FSIP2: variants seen among roughly 807,000 people sequenced by gnomAD.
The protein encoded by FSIP2 is fibrous sheath interacting protein 2, also known as fibrous sheath-interacting protein 2.
Under a neutral mutation model 510.5 loss-of-function variants are expected in FSIP2, and 367 were observed. That is an observed-to-expected ratio of 0.72 (90% confidence interval 0.66 to 0.78). The LOEUF (loss-of-function observed/expected upper bound fraction) is 0.78. Ranked by LOEUF, FSIP2 falls within the 30% of genes least tolerant of loss-of-function variation. The pLI is 0.00. For synonymous variants in FSIP2, 2,601 were observed against 2,732.2 expected (o/e 0.95, Z 1.50); for missense variants, 7,594 against 7,901.7 (o/e 0.96, Z 1.48).
In FSIP2 at chr2:185,794,729, TC is replaced by T; in HGVS notation, c.7594del (p.Gln2532AsnfsTer7). 6.5e-7 allele frequency: 1 copy of T among 1,534,178 alleles called. No homozygotes were observed. Among genetic ancestry groups the T allele is most frequent in the Non-Finnish European group, 8.7e-7 (1 of 1,145,586 alleles). ...TSDTTQKNSF[Q>X]SHINSVANDI... ...CAGACACAACACAGAAAAACAGTTT[TC>T]AATCACATATTAACAGTGTAGCAAA... is the stretch of plus-strand genomic sequence containing the variant. On this transcript the variant is annotated frameshift_variant, in exon 16 of 23. Transcript: ENST00000424728. LOFTEE classifies it high-confidence loss of function.
In FSIP2 at chr2:185,800,516, G is replaced by T; in HGVS notation, c.11210G>T (p.Ser3737Ile). 2 of 1,532,492 alleles carry T rather than the reference G, an allele frequency of 1.3e-6. No homozygotes were observed. Among genetic ancestry groups the T allele is most frequent in the Non-Finnish European group, 1.7e-6 (2 of 1,145,224 alleles). 94.9% of individuals were successfully genotyped at this position (1,532,492 alleles called of 1,614,324 possible). Reference protein sequence around the residue: ...FYSSNNEQPNSILTNNLQLSS... With the variant: ...FYSSNNEQPNIILTNNLQLSS... ...TCCTCGAATAATGAGCAACCTAATA[G>T]CATACTTACCAATAACCTACAGCTC... is the stretch of plus-strand genomic sequence containing the variant. Residue 3737 changes from serine to isoleucine, a missense_variant, in exon 17 of 23, where the codon AGC becomes ATC. Transcript: ENST00000424728.
intron 18 of FSIP2, among the ~76,000 whole-genome samples, chr2:185,814,456 T>C (rs1693795718): frequency 6.6e-6 from 1 of 152,074 alleles, no homozygotes; most frequent in African/African-American, 2.4e-5. Context: ...GAAATTCAGA[T>C]TGTTTGGGTT....
Position 185,761,978 on chromosome 2 carries a change from G to T in FSIP2, c.1201G>T (p.Gly401Trp). ...TCAATGTGGTACCATGTAGAGAGAT[G>T]GGATGGTATCTAAAAACTCAAGTAT... Reference protein sequence around the residue: ...QDNGINQKRDGMVSKNSSIFD... With the variant: ...QDNGINQKRDWMVSKNSSIFD... The change falls in exon 11 of 23, where the codon GGG (glycine) becomes TGG (tryptophan). Residue 401 changes from glycine (G) to tryptophan (W), a missense_variant. Gly to Trp is a radical substitution (Grantham distance 184, BLOSUM62 -2). Transcript: ENST00000424728. 6.8e-7 allele frequency: 1 copy of T among 1,477,482 alleles called. No homozygotes were observed. Among genetic ancestry groups the T allele is most frequent in the South Asian group, 1.2e-5 (1 of 81,440 alleles). The allele number at this position is 1,477,482 out of a possible 1,614,324, so 91.5% of individuals were successfully genotyped here. A position where few individuals can be genotyped will look rare whatever the true frequency, so the allele number is the denominator to read the frequency against.
At chr2:185,817,488 T>G (rs1002870908) in intron 19 of FSIP2, among the ~76,000 whole-genome samples, 3 of 151,796 alleles carry the variant, frequency 2.0e-5, no homozygotes, top group African/African-American at 7.3e-5. Flanking sequence ...AAAAACTGAG[T>G]TTGGGGAAGC....
Position 185,739,321 on chromosome 2 carries a change from A to G in FSIP2, c.100-25A>G, listed in dbSNP as rs938864928. On this transcript the variant is annotated intron_variant, in intron 1 of 22. Transcript: ENST00000424728. ...ACTAATACTGCCTAAAAGGAAAGAC[A>G]AAACTCTCCAATTGTGTCTGACAGG... 7 of 1,509,256 alleles carry G rather than the reference A, an allele frequency of 4.6e-6. No individual in the cohort carries two copies. The Admixed American group carries it at 1.6e-4, about 34-fold the overall frequency. The allele number at this position is 1,509,256 out of a possible 1,614,324, so 93.5% of individuals were successfully genotyped here. A position where few individuals can be genotyped will look rare whatever the true frequency, so the allele number is the denominator to read the frequency against.
Position 185,789,216 on chromosome 2 carries a change from G to GTTAAC in FSIP2, c.2083_2087dup (p.Phe696LeufsTer7). On this transcript the variant is annotated frameshift_variant, in exon 16 of 23. Coordinates refer to ENST00000424728, the MANE Select transcript of FSIP2 (RefSeq NM_173651.4). LOFTEE classifies it high-confidence loss of function. ...AATGAAGAATTTAAAAAATGTTTTT[G>GTTAAC]TTAACTTTAAATGTTACTTGAAAGG... 1 of 1,534,206 alleles carries GTTAAC rather than the reference G, an allele frequency of 6.5e-7. No individual in the cohort carries two copies. The highest frequency in any genetic ancestry group is 8.7e-7 in the Non-Finnish European group (1 of 1,145,624).
At position 185,807,530 on chromosome 2, in the gene FSIP2, CTGA is replaced by C. The variant is rs759935545; in HGVS notation, c.18234_18236del (p.Asp6078del). On this transcript the variant is annotated inframe_deletion, in exon 17 of 23. Coordinates refer to ENST00000424728, the MANE Select transcript of FSIP2 (RefSeq NM_173651.4). ...ATACAGTATGTAGAAACCTTACAAT[CTGA>C]TGATGATGAAATTATTCAATTAGTG... 3.7e-6 allele frequency: 6 copies of C among 1,610,844 alleles called. No individual in the cohort carries two copies. Among genetic ancestry groups the C allele is most frequent in the East Asian group, 2.2e-5 (1 of 44,812 alleles).
Position 185,807,966 on chromosome 2 carries a change from C to A in FSIP2, c.18660C>A (p.Val6220=). ...TAACTTCAAAAGTACTAAATTCAGT[C>A]CAAGAATTTATCTCCAAAAGTAAGA... is the stretch of plus-strand genomic sequence containing the variant. ...QKITSKVLNS[V]QEFISKSKIK... The change falls in exon 17 of 23, where the codon GTC becomes GTA. Residue 6220 remains valine, a synonymous_variant. Transcript: ENST00000424728. 6.2e-7 allele frequency: 1 copy of A among 1,609,340 alleles called. No individual in the cohort carries two copies. Among genetic ancestry groups the A allele is most frequent in the South Asian group, 1.1e-5 (1 of 90,570 alleles).
chr2:185,775,705 C>A (rs956650453), intron 13 of FSIP2, among the ~76,000 whole-genome samples: 5 of 152,208 alleles, frequency 3.3e-5, no homozygotes, highest in East Asian at 3.9e-4. Flanking sequence ...ATTCTCTCAC[C>A]CAGGCTGAAG....
upstream of FSIP2, chr2:185,738,506 C>G (rs927673103): frequency 4.4e-6 from 5 of 1,140,042 alleles, no homozygotes; most frequent in Non-Finnish European, 6.1e-6. Flanking sequence ...AACAATCACT[C>G]GGGAATTTTT....
Position 185,806,379 on chromosome 2 carries a change from ATCT to A in FSIP2, c.17080_17082del (p.Ser5694del), listed in dbSNP as rs567977139. The A allele has an allele frequency of 2.0e-4, 322 of 1,611,526 alleles. 1 individual carries two copies. The South Asian group carries it at 3.3e-3, about 17-fold the overall frequency. On this transcript the variant is annotated inframe_deletion, in exon 17 of 23. Coordinates refer to ENST00000424728, the MANE Select transcript of FSIP2 (RefSeq NM_173651.4). ...ATATTTTTGAAGATGTTTTAGAACT[ATCT>A]TCTTCTCCAGAACCAGCATATTATT...
In FSIP2 at chr2:185,791,952, G is replaced by A. The variant is rs1230025341; in HGVS notation, c.4816G>A (p.Ala1606Thr). The stretch of plus-strand genomic sequence containing the variant: ...CAACGGACATTTAGAAATTTTGGGT[G>A]CTATTAATGATGGAAATAAGAAAAG... Reference protein sequence around the residue: ...FANGHLEILGAINDGNKKSNK... With the variant: ...FANGHLEILGTINDGNKKSNK... The change falls in exon 16 of 23, where the codon GCT (alanine) becomes ACT (threonine). Residue 1606 changes from alanine (A) to threonine (T), a missense_variant. Physicochemically the swap from Ala to Thr is moderately conservative, Grantham distance 58 (BLOSUM62 0). Coordinates refer to ENST00000424728, the MANE Select transcript of FSIP2 (RefSeq NM_173651.4). 6.5e-7 allele frequency: 1 copy of A among 1,533,746 alleles called. No individual in the cohort carries two copies. Among genetic ancestry groups the A allele is most frequent in the Non-Finnish European group, 8.7e-7 (1 of 1,145,258 alleles).
chr2:185,742,048 G>A (rs951217304), intron 2 of FSIP2, among the ~76,000 whole-genome samples: 5 of 152,140 alleles, frequency 3.3e-5, no homozygotes, highest in African/African-American at 9.7e-5. Flanking sequence ...AATAGGGCAG[G>A]TGCTCTCTGG....
In FSIP2 at chr2:185,807,352, G is replaced by C; in HGVS notation, c.18046G>C (p.Val6016Leu). The C allele has an allele frequency of 6.2e-7, 1 of 1,610,006 alleles. No homozygotes were observed. The highest frequency in any genetic ancestry group is 8.5e-7 in the Non-Finnish European group (1 of 1,178,626). The change falls in exon 17 of 23, where the codon GTG (valine) becomes CTG (leucine). Residue 6016 changes from valine (V) to leucine (L), a missense_variant. Transcript: ENST00000424728. Reference protein sequence around the residue: ...IILPHKFLENVISALFSKIFS... With the variant: ...IILPHKFLENLISALFSKIFS... ...ATTACCTCATAAATTTTTGGAGAAT[G>C]TGATTTCTGCTCTTTTCTCCAAAAT...
intron 9 of FSIP2, among the ~76,000 whole-genome samples, chr2:185,756,555 T>C (rs1692250427): frequency 6.6e-6 from 1 of 151,476 alleles, no homozygotes; most frequent in Non-Finnish European, 1.5e-5. Flanking sequence ...TAATACAGCA[T>C]GCCTACCAAC....
chr2:185,833,055 A>G, intron 22 of FSIP2, 35 bp from the exon 23 acceptor site: 2 of 1,601,784 alleles, frequency 1.2e-6, no homozygotes, highest in Non-Finnish European at 1.7e-6. Flanking sequence ...GTTCAAAAAT[A>G]AAGATATCAT....
At chr2:185,741,590 C>T (rs369643065) in intron 2 of FSIP2, among the ~76,000 whole-genome samples, 3 of 152,142 alleles carry the variant, frequency 2.0e-5, no homozygotes, top group African/African-American at 7.2e-5. Context: ...TATTATTGAT[C>T]GTTTCCCTTC....
chr2:185,757,299 T>G (rs1194829054), intron 9 of FSIP2, among the ~76,000 whole-genome samples: 1 of 151,446 alleles, frequency 6.6e-6, no homozygotes, highest in African/African-American at 2.4e-5. Flanking sequence ...GAAAATATTG[T>G]TTTTAGCCTC....
intron 13 of FSIP2, among the ~76,000 whole-genome samples, chr2:185,773,554 A>C (rs1017105689): frequency 6.6e-6 from 1 of 152,132 alleles, no homozygotes; most frequent in South Asian, 2.1e-4. Flanking sequence ...CACGTGCTTC[A>C]GTTTGTATAG....
Sources: allele counts gnomAD v4.1 joint callset (sites outside exome capture counted in the v4.1 genomes callset), GRCh38; gene constraint gnomAD v4.1.1; transcripts MANE v1.5; gene names NCBI Gene and HGNC (gene_info 2026-07-23, HGNC 2026-07-21).